The following TEC variants were observed in gnomAD, a reference collection of about 807,000 sequenced individuals.
The protein encoded by TEC is tyrosine-protein kinase Tec.
Under a neutral mutation model 93.0 loss-of-function variants are expected in TEC, and 72 were observed. That is an observed-to-expected ratio of 0.77 (90% CI 0.64 to 0.94). The LOEUF is 0.94. TEC is among the 40% of genes least tolerant of loss of function. The pLI is 0.00. For synonymous variants in TEC, 249 were observed against 247.7 expected (o/e 1.01, Z -0.05); for missense variants, 630 against 757.9 (o/e 0.83, Z 1.98).
At chr4:48,265,205 T>C (rs1026205208) in intron 1 of TEC, among the ~76,000 whole-genome samples, 1 of 151,698 alleles carries the variant, frequency 6.6e-6, no homozygotes, top group Non-Finnish European at 1.5e-5. Flanking sequence ...CATACAAATA[T>C]ATATGTATAT....
chr4:48,150,468 C>T (rs150770724), intron 10 of TEC, among the ~76,000 whole-genome samples: 157 of 152,192 alleles, frequency 1.0e-3, no homozygotes, highest in African/African-American at 3.5e-3. Flanking sequence ...TCCCCAAACC[C>T]GCCACACACA....
intron 2 of TEC, among the ~76,000 whole-genome samples, chr4:48,219,392 T>C (rs773328979): frequency 5.3e-5 from 8 of 152,202 alleles, no homozygotes; most frequent in Admixed American, 1.3e-4. Context: ...GGAGGCTGGA[T>C]ATTATCCAGG....
chr4:48,203,041 T>C (rs1722584358), intron 2 of TEC, among the ~76,000 whole-genome samples: 2 of 152,144 alleles, frequency 1.3e-5, no homozygotes, highest in African/African-American at 2.4e-5. Context: ...TTTAACTCGG[T>C]CTGTCACAGT....
chr4:48,137,804 C>T (rs750937081), intron 17 of TEC, among the ~76,000 whole-genome samples: 6 of 152,182 alleles, frequency 3.9e-5, no homozygotes, highest in Non-Finnish European at 8.8e-5. Context: ...ACTTCCCGAC[C>T]CTCTTGTTAC....
chr4:48,244,588 C>G (rs1724007026), intron 1 of TEC, among the ~76,000 whole-genome samples: 1 of 152,230 alleles, frequency 6.6e-6, no homozygotes, highest in Non-Finnish European at 1.5e-5. Context: ...CAAATCATAT[C>G]AAACCCAAAA....
rs34702593 is a variant in TEC at position 48,253,572 on chromosome 4, C to CTTT, written c.-46+16177_-46+16179dup. Among the ~76,000 whole-genome samples the CTTT allele has an allele frequency of 1.1e-3, 145 of 131,880 alleles. 4 individuals carry two copies. Among genetic ancestry groups the CTTT allele is most frequent in the South Asian group, 7.4e-3 (31 of 4,186 alleles). 86.5% of individuals were successfully genotyped at this position (131,880 alleles called of 152,430 possible). ...TAAATAAATGTAATCATGTCCAATTCTTTTTTTTTTTTTTTTTGAGACAGA... is the reference window on the plus strand; with the variant it reads ...TAAATAAATGTAATCATGTCCAATTCTTTTTTTTTTTTTTTTTTTTGAGACAGA... On this transcript the variant is annotated intron_variant, in intron 1 of 17. Coordinates refer to ENST00000381501, the MANE Select transcript of TEC (RefSeq NM_003215.3).
In TEC at chr4:48,141,665, CT is replaced by C. The variant is rs146623960; in HGVS notation, c.1471-247del. Reference sequence around the variant, plus strand: ...TTATTACATAATCTTTACCAATTGTCTTTTTTTTTTCTTTTCTTTCTTTTTT... The same window carrying C: ...TTATTACATAATCTTTACCAATTGTCTTTTTTTTTCTTTTCTTTCTTTTTT... On this transcript the variant is annotated intron_variant, in intron 14 of 17. Coordinates refer to ENST00000381501, the MANE Select transcript of TEC (RefSeq NM_003215.3). 2.8e-3 allele frequency: 829 copies of C among 293,724 alleles called. 4 individuals carry two copies. The highest frequency in any genetic ancestry group is 0.01 in the African/African-American group (436 of 43,050). 18.2% of individuals were successfully genotyped at this position (293,724 alleles called of 1,614,324 possible).
chr4:48,234,723 T>C lies in TEC; in HGVS notation c.-45-6064A>G, dbSNP rs186791109. Among the ~76,000 whole-genome samples the C allele has an allele frequency of 1.0e-3, 157 of 152,230 alleles. 2 individuals are homozygous for C. The highest frequency in any genetic ancestry group is 4.4e-3 in the South Asian group (21 of 4,816). On this transcript the variant is annotated intron_variant, in intron 1 of 17. Transcript: ENST00000381501. Reference sequence around the variant, plus strand: ...GTGATAATCTTACTACCAATATAAATACATTGGGTGTGAGAGCAGGAAGTA... The same window carrying C: ...GTGATAATCTTACTACCAATATAAACACATTGGGTGTGAGAGCAGGAAGTA...
At chr4:48,141,279 G>A (rs1374901743) in intron 15 of TEC, 76 bp downstream of exon 15, 5 of 1,291,172 alleles carry the variant, frequency 3.9e-6, no homozygotes, top group Admixed American at 3.5e-5. Context: ...CTTCATCAGT[G>A]CAAATTATTC....
At chr4:48,228,714 T>C (rs1206638734) in intron 1 of TEC, 55 bp from the exon 2 acceptor site, 1 of 1,455,000 alleles carries the variant, frequency 6.9e-7, no homozygotes, top group African/African-American at 1.4e-5. Context: ...CTATGGATGT[T>C]GCCATTTCCA....
At chr4:48,156,055 A>G (rs1447392858) in intron 9 of TEC, among the ~76,000 whole-genome samples, 2 of 152,234 alleles carry the variant, frequency 1.3e-5, no homozygotes, top group Non-Finnish European at 2.9e-5. Context: ...CATAAGTTCA[A>G]TAAGAATATG....
intron 1 of TEC, among the ~76,000 whole-genome samples, chr4:48,256,203 A>G (rs1238067802): frequency 6.6e-6 from 1 of 152,148 alleles, no homozygotes; most frequent in Non-Finnish European, 1.5e-5. Flanking sequence ...AGTGCTGAGC[A>G]TACAACAGAA....
intron 2 of TEC, among the ~76,000 whole-genome samples, chr4:48,192,350 A>G (rs776651912): frequency 6.6e-6 from 1 of 152,206 alleles, no homozygotes; most frequent in Non-Finnish European, 1.5e-5. Context: ...GATGGTGGGC[A>G]TGAAGAGGGA....
At chr4:48,249,479 G>A (rs1724147148) in intron 1 of TEC, among the ~76,000 whole-genome samples, 1 of 152,182 alleles carries the variant, frequency 6.6e-6, no homozygotes, top group Admixed American at 6.5e-5. Context: ...TGGTAATATT[G>A]TGTAATATAA....
At chr4:48,242,122 C>T (rs1357823993) in intron 1 of TEC, among the ~76,000 whole-genome samples, 3 of 152,168 alleles carry the variant, frequency 2.0e-5, no homozygotes, top group Admixed American at 1.3e-4. Flanking sequence ...CCAATTTCTT[C>T]CAGTGCTGTG....
chr4:48,166,508 G>A (rs1207266249), intron 7 of TEC, among the ~76,000 whole-genome samples: 1 of 151,792 alleles, frequency 6.6e-6, no homozygotes, highest in Non-Finnish European at 1.5e-5. Flanking sequence ...ATGACATGGT[G>A]GTGTTTTTTT....
chr4:48,146,511 C>T, intron 11 of TEC, 112 bp from the exon 12 acceptor site: 1 of 918,326 alleles, frequency 1.1e-6, no homozygotes, highest in South Asian at 1.4e-5. Flanking sequence ...TACTGCTCAT[C>T]CTCTGTGTGT....
chr4:48,153,037 C>G (rs2109520010), intron 9 of TEC, among the ~76,000 whole-genome samples: 2 of 152,272 alleles, frequency 1.3e-5, no homozygotes, highest in East Asian at 3.9e-4. Flanking sequence ...AGACCCAGGT[C>G]CCCTTACTCA....
At chr4:48,165,409 T>G (rs976319785) in intron 7 of TEC, among the ~76,000 whole-genome samples, 20 of 152,314 alleles carry the variant, frequency 1.3e-4, no homozygotes, top group Admixed American at 4.6e-4. Flanking sequence ...AACTACTAAA[T>G]GCAGATGGAA....
Sources: gnomAD v4.1 joint callset for allele counts (sites outside exome capture counted in the v4.1 genomes callset) on GRCh38, gnomAD v4.1.1 for gene constraint, MANE v1.5 for transcripts, NCBI Gene and HGNC (gene_info 2026-07-23, HGNC 2026-07-21) for gene names.